The following ADAM10 variants were observed in gnomAD, a reference collection of about 807,000 sequenced individuals.
ADAM10 encodes the protein ADAM metallopeptidase domain 10.
In ADAM10, 17 loss-of-function variants were observed where a neutral mutation model predicts 90.1. That is an observed-to-expected ratio of 0.19 (90% CI 0.13 to 0.28). The LOEUF is 0.28. Among genes scored for constraint, ADAM10 ranks in the 10% least tolerant of loss-of-function variants. ADAM10 has a pLI of 1.00. For missense variants in ADAM10, 610 were observed against 914.3 expected, an observed-to-expected ratio of 0.67 and a Z score of 4.29; for synonymous variants, 310 against 298.6, an observed-to-expected ratio of 1.04 and a Z score of -0.40.
chr15:58,604,630 T>G (rs1895216676), intron 14 of ADAM10, among the ~76,000 whole-genome samples: 2 of 152,364 alleles, frequency 1.3e-5, no homozygotes, highest in Middle Eastern at 6.8e-3. Flanking sequence ...ACAGCTCATT[T>G]ATTACTTCCA....
chr15:58,611,765 G>C (rs1241563260), intron 12 of ADAM10, 43 bp downstream of exon 12: 1 of 1,588,422 alleles, frequency 6.3e-7, no homozygotes, highest in African/African-American at 1.4e-5. Context: ...TGAAAAACAA[G>C]TTTTCTAAAA....
chr15:58,627,947 T>G (rs1376458206), intron 9 of ADAM10, 64 bp from the exon 10 acceptor site: 6 of 1,477,414 alleles, frequency 4.1e-6, no homozygotes, highest in Non-Finnish European at 5.6e-6. Context: ...GTCAACTGAT[T>G]AAACGTAATG....
chr15:58,679,108 A>C lies in ADAM10; in HGVS notation c.484+16T>G, dbSNP rs200910513. ...GCCTTTTGAAAAAGGCTACTTGATA[A>C]AACTTAAGTACTTACTAATATCATC... On this transcript the variant is annotated intron_variant, in intron 4 of 15. Transcript: ENST00000260408. 9.9e-6 allele frequency: 16 copies of C among 1,611,070 alleles called. No homozygotes were observed. The highest frequency in any genetic ancestry group is 5.9e-6 in the Non-Finnish European group (7 of 1,178,372).
chr15:58,742,666 A>C (rs1899653710), intron 1 of ADAM10, among the ~76,000 whole-genome samples: 1 of 152,178 alleles, frequency 6.6e-6, no homozygotes, highest in African/African-American at 2.4e-5. Flanking sequence ...CAGGAATCCA[A>C]GTGGTAGGGT....
intron 9 of ADAM10, 46 bp from the exon 10 acceptor site, chr15:58,627,929 G>A (rs200428095): frequency 3.0e-5 from 47 of 1,578,684 alleles, no homozygotes; most frequent in Non-Finnish European, 3.6e-5. Flanking sequence ...GTAAAATAAG[G>A]TTTTCAGGTC....
intron 2 of ADAM10, among the ~76,000 whole-genome samples, chr15:58,704,926 G>C (rs1898236676): frequency 6.6e-6 from 1 of 152,124 alleles, no homozygotes; most frequent in African/African-American, 2.4e-5. Flanking sequence ...AGCATATGAT[G>C]GAAAAAGTCA....
intron 2 of ADAM10, among the ~76,000 whole-genome samples, chr15:58,706,321 T>C (rs545259721): frequency 2.0e-5 from 3 of 152,266 alleles, no homozygotes; most frequent in South Asian, 2.1e-4. Flanking sequence ...TTCTATCATA[T>C]CTAAAATGAA....
chr15:58,665,849 AC>A (rs1428893214), intron 4 of ADAM10, among the ~76,000 whole-genome samples: 1 of 151,996 alleles, frequency 6.6e-6, no homozygotes, highest in Non-Finnish European at 1.5e-5. Context: ...TCTCTCTGAC[AC>A]CACCTCATCA....
chr15:58,637,636 C>T (rs979942151), intron 8 of ADAM10, among the ~76,000 whole-genome samples: 1 of 152,020 alleles, frequency 6.6e-6, no homozygotes, highest in Admixed American at 6.6e-5. Flanking sequence ...TACTAAGAAG[C>T]AGAAAACATT....
At chr15:58,700,546 C>T (rs1364745595) in intron 2 of ADAM10, among the ~76,000 whole-genome samples, 2 of 151,918 alleles carry the variant, frequency 1.3e-5, no homozygotes, top group African/African-American at 2.4e-5. Flanking sequence ...ATTTGAAACA[C>T]GACATACCAA....
chr15:58,626,211 G>C (rs181942361), intron 10 of ADAM10, among the ~76,000 whole-genome samples: 16 of 152,186 alleles, frequency 1.1e-4, no homozygotes, highest in Non-Finnish European at 1.5e-4. Flanking sequence ...CAACATCCTG[G>C]TCATGATATT....
chr15:58,630,024 T>C (rs1896058485), intron 9 of ADAM10, among the ~76,000 whole-genome samples: 1 of 152,130 alleles, frequency 6.6e-6, no homozygotes, highest in Non-Finnish European at 1.5e-5. Context: ...TCTGCCCACC[T>C]CGGCCTCCCA....
chr15:58,685,544 G>C (rs1419488677), intron 2 of ADAM10, among the ~76,000 whole-genome samples: 2 of 65,872 alleles, frequency 3.0e-5, no homozygotes, highest in East Asian at 6.5e-4. Flanking sequence ...ATATGAAGGA[G>C]AATATATATA....
chr15:58,622,969 C>T (rs550687355), intron 10 of ADAM10, among the ~76,000 whole-genome samples: 221 of 152,262 alleles, frequency 1.5e-3, no homozygotes, highest in African/African-American at 5.0e-3. Flanking sequence ...TCTAGGTCTA[C>T]GATCTGGTGC....
At chr15:58,739,697 T>A (rs964284458) in intron 1 of ADAM10, among the ~76,000 whole-genome samples, 2 of 152,230 alleles carry the variant, frequency 1.3e-5, no homozygotes, top group Non-Finnish European at 2.9e-5. Context: ...ACCTAACCTT[T>A]ATAATACACA....
Position 58,646,133 on chromosome 15 carries a change from T to C in ADAM10, c.657A>G (p.Lys219=), listed in dbSNP as rs1363414422. The change falls in exon 6 of 16, where the codon AAA becomes AAG. Residue 219 remains lysine, a synonymous_variant. Transcript: ENST00000260408. ...TCTGAATATAAAGCTGACAAGTATT[T>C]TTTTCAGCTGAAGTTGTACGTTTTT... is the stretch of plus-strand genomic sequence containing the variant. The part of the protein sequence containing the change: ...LRKKRTTSAE[K]NTCQLYIQTD... 2.5e-6 allele frequency: 4 copies of C among 1,613,720 alleles called. No individual in the cohort carries two copies. Among genetic ancestry groups the C allele is most frequent in the South Asian group, 2.2e-5 (2 of 91,068 alleles).
chr15:58,719,307 A>G (rs1443070079), intron 1 of ADAM10, among the ~76,000 whole-genome samples: 3 of 151,736 alleles, frequency 2.0e-5, no homozygotes, highest in East Asian at 1.9e-4. Context: ...CTGGGCAACG[A>G]AAGTGAAATT....
intron 1 of ADAM10, among the ~76,000 whole-genome samples, chr15:58,719,925 A>C: frequency 6.6e-6 from 1 of 152,208 alleles, no homozygotes; most frequent in East Asian, 1.9e-4. Flanking sequence ...GGCAAGGTTC[A>C]ATAAATTATC....
Position 58,749,508 on chromosome 15 carries a change from C to A in ADAM10, c.27G>T (p.Leu9=). MVLLRVLI[L]LLSWAAGMGG... ...CCATCCCCGCCGCCCAGGAGAGGAG[C>A]AGAATTAACACTCTCAGCAACACCA... is the stretch of plus-strand genomic sequence containing the variant. Residue 9 remains leucine, a synonymous_variant, in exon 1 of 16, where the codon CTG becomes CTT. Coordinates refer to ENST00000260408, the MANE Select transcript of ADAM10 (RefSeq NM_001110.4). The A allele has an allele frequency of 6.4e-7, 1 of 1,553,946 alleles. No homozygotes were observed. The highest frequency in any genetic ancestry group is 8.7e-7 in the Non-Finnish European group (1 of 1,148,562).
Sources: allele counts gnomAD v4.1 joint callset (sites outside exome capture counted in the v4.1 genomes callset), GRCh38; gene constraint gnomAD v4.1.1; transcripts MANE v1.5; gene names NCBI Gene and HGNC (gene_info 2026-07-23, HGNC 2026-07-21).